SPAG16: variants seen among roughly 807,000 people sequenced by gnomAD.
The protein encoded by SPAG16 is sperm associated antigen 16, also known as sperm-associated antigen 16 protein.
Under a neutral mutation model 80.4 loss-of-function variants are expected in SPAG16, and 86 were observed. That is an observed-to-expected ratio of 1.07 (90% confidence interval 0.90 to 1.28). The LOEUF (loss-of-function observed/expected upper bound fraction) is 1.28, where lower values mean the gene tolerates loss of function less well. SPAG16 is among the 50% of genes most tolerant of loss of function. The pLI is 0.00. For synonymous variants in SPAG16, 294 were observed against 265.9 expected (o/e 1.11, Z -1.03); for missense variants, 870 against 765.3 (o/e 1.14, Z -1.61).
intron 12 of SPAG16, among the ~76,000 whole-genome samples, chr2:213,949,291 C>T (rs540046213): frequency 3.1e-4 from 46 of 150,348 alleles, no homozygotes; most frequent in Admixed American, 1.3e-3. Flanking sequence ...GTGCCTCAGC[C>T]GCCTAAGTAT....
At chr2:213,372,034 TTA>T (rs2066668049) in intron 8 of SPAG16, among the ~76,000 whole-genome samples, 1 of 152,106 alleles carries the variant, frequency 6.6e-6, no homozygotes, top group South Asian at 2.1e-4. Context: ...AAATTACAGA[TTA>T]TGTTTTTATT....
intron 15 of SPAG16, among the ~76,000 whole-genome samples, chr2:214,403,421 A>G (rs1414158871): frequency 6.7e-6 from 1 of 150,186 alleles, no homozygotes; most frequent in African/African-American, 2.4e-5. Context: ...AAATGTACCC[A>G]AAATGGTATC....
intron 10 of SPAG16, among the ~76,000 whole-genome samples, chr2:213,672,840 T>C (rs1437194345): frequency 2.6e-5 from 4 of 151,348 alleles, no homozygotes; most frequent in Admixed American, 1.3e-4. Context: ...TTTTTTTGTT[T>C]GTTTGTTTTA....
At chr2:213,445,832 T>A (rs2071273998) in intron 9 of SPAG16, among the ~76,000 whole-genome samples, 1 of 152,194 alleles carries the variant, frequency 6.6e-6, no homozygotes, top group Non-Finnish European at 1.5e-5. Context: ...GAAACTGGAA[T>A]GCTTGTACAC....
chr2:213,383,518 T>A (rs575960007), intron 9 of SPAG16, among the ~76,000 whole-genome samples: 1 of 152,176 alleles, frequency 6.6e-6, no homozygotes, highest in Non-Finnish European at 1.5e-5. Flanking sequence ...TCTTGAATGA[T>A]GATATACACT....
intron 10 of SPAG16, among the ~76,000 whole-genome samples, chr2:213,594,938 C>T (rs773243309): frequency 9.9e-5 from 15 of 152,002 alleles, no homozygotes; most frequent in Non-Finnish European, 1.8e-4. Context: ...TGTCCATATC[C>T]TTATCTGTCT....
intron 12 of SPAG16, among the ~76,000 whole-genome samples, chr2:213,952,698 A>T (rs2043910175): frequency 6.6e-6 from 1 of 152,078 alleles, no homozygotes; most frequent in African/African-American, 2.4e-5. Flanking sequence ...TAGATCATGG[A>T]ACCCATTCTA....
chr2:213,810,782 T>C (rs1336920232), intron 10 of SPAG16, among the ~76,000 whole-genome samples: 1 of 152,180 alleles, frequency 6.6e-6, no homozygotes, highest in Non-Finnish European at 1.5e-5. Flanking sequence ...ATTTTGATAT[T>C]GGTCTAAGTT....
intron 9 of SPAG16, among the ~76,000 whole-genome samples, chr2:213,473,396 A>G (rs1038613592): frequency 1.3e-5 from 2 of 152,194 alleles, no homozygotes; most frequent in African/African-American, 4.8e-5. Context: ...GAGAAGAGCA[A>G]TTACAGGGCT....
intron 15 of SPAG16, among the ~76,000 whole-genome samples, chr2:214,347,590 G>C (rs1431272433): frequency 1.3e-5 from 2 of 151,970 alleles, no homozygotes; most frequent in Non-Finnish European, 2.9e-5. Flanking sequence ...TAATGTTAAG[G>C]GCATTATTTA....
At chr2:214,234,831 CAT>C (rs1438960023) in intron 15 of SPAG16, among the ~76,000 whole-genome samples, 16 of 152,196 alleles carry the variant, frequency 1.1e-4, no homozygotes, top group Middle Eastern at 3.4e-3. Context: ...TGCATACACA[CAT>C]AGTCACACAT....
intron 10 of SPAG16, among the ~76,000 whole-genome samples, chr2:213,595,053 T>C (rs967575642): frequency 5.3e-5 from 8 of 151,974 alleles, no homozygotes; most frequent in Non-Finnish European, 7.4e-5. Context: ...TTACACATTA[T>C]GAATGTAACC....
chr2:213,352,058 A>C (rs1167993402), intron 7 of SPAG16, among the ~76,000 whole-genome samples: 2 of 148,740 alleles, frequency 1.3e-5, no homozygotes, highest in Non-Finnish European at 3.0e-5. Context: ...GCTTGCACTC[A>C]CTCTCTTTCC....
intron 15 of SPAG16, among the ~76,000 whole-genome samples, chr2:214,357,719 A>T (rs769801926): frequency 6.0e-5 from 9 of 150,912 alleles, no homozygotes; most frequent in Non-Finnish European, 1.3e-4. Context: ...ATTTTTTATA[A>T]CTCTCCTTCA....
intron 11 of SPAG16, among the ~76,000 whole-genome samples, chr2:213,886,118 A>G (rs1368830251): frequency 6.6e-6 from 1 of 152,094 alleles, no homozygotes; most frequent in Non-Finnish European, 1.5e-5. Context: ...TCTGTGCAGC[A>G]TTTCCCCTTT....
At chr2:213,427,990 T>C (rs920264485) in intron 9 of SPAG16, among the ~76,000 whole-genome samples, 5 of 152,206 alleles carry the variant, frequency 3.3e-5, no homozygotes, top group African/African-American at 4.8e-5. Flanking sequence ...TGGTCTCTTA[T>C]GTAGTTAAAC....
intron 10 of SPAG16, among the ~76,000 whole-genome samples, chr2:213,617,111 A>G (rs1296736633): frequency 2.0e-5 from 3 of 152,244 alleles, no homozygotes; most frequent in African/African-American, 7.2e-5. Context: ...GGAAAGGGAA[A>G]GAAGGGAAAT....
chr2:213,409,353 C>T (rs535451862), intron 9 of SPAG16, among the ~76,000 whole-genome samples: 27 of 151,932 alleles, frequency 1.8e-4, no homozygotes, highest in Non-Finnish European at 3.2e-4. Context: ...TGTAGGGAGG[C>T]ATAAGAATGT....
chr2:213,342,794 T>A (rs2064768468), intron 6 of SPAG16, among the ~76,000 whole-genome samples: 1 of 151,708 alleles, frequency 6.6e-6, no homozygotes, highest in Non-Finnish European at 1.5e-5. Flanking sequence ...GTTTTTTTTT[T>A]AAGATGGTGG....
Sources: allele counts gnomAD v4.1 joint callset (sites outside exome capture counted in the v4.1 genomes callset), GRCh38; gene constraint gnomAD v4.1.1; transcripts MANE v1.5; gene names NCBI Gene and HGNC (gene_info 2026-07-23, HGNC 2026-07-21).